GRM8: variants seen among roughly 807,000 people sequenced by gnomAD.
GRM8 encodes glutamate metabotropic receptor 8, also known as metabotropic glutamate receptor 8.
A neutral mutation model predicts 87.2 loss-of-function variants in GRM8; 47 were observed. The observed-to-expected ratio is 0.54, with a 90% CI of 0.43 to 0.69. The LOEUF (loss-of-function observed/expected upper bound fraction) is 0.69. Among genes scored for constraint, GRM8 ranks in the 30% least tolerant of loss-of-function variants. The pLI is 0.00. For missense variants in GRM8, 1,019 were observed against 1,139.2 expected (o/e 0.89, Z 1.52); for synonymous variants, 396 against 404.5 (o/e 0.98, Z 0.25).
At chr7:127,052,337 A>G (rs914092175) in intron 3 of GRM8, among the ~76,000 whole-genome samples, 10 of 152,110 alleles carry the variant, frequency 6.6e-5, no homozygotes, top group Admixed American at 2.6e-4. Context: ...TATCCCCTCT[A>G]TGCATAGGCA....
chr7:126,653,355 A>C (rs983567283), intron 7 of GRM8, among the ~76,000 whole-genome samples: 2 of 151,766 alleles, frequency 1.3e-5, no homozygotes, highest in African/African-American at 2.4e-5. Flanking sequence ...CAGGCAATTC[A>C]ATATTCAATT....
intron 6 of GRM8, among the ~76,000 whole-genome samples, chr7:126,831,430 G>A (rs1031745771): frequency 3.3e-5 from 5 of 152,138 alleles, no homozygotes; most frequent in South Asian, 2.1e-4. Flanking sequence ...CCCCAGCCTC[G>A]CCACCTTGCA....
chr7:127,069,499 C>T (rs1821472454), intron 3 of GRM8, among the ~76,000 whole-genome samples: 1 of 151,964 alleles, frequency 6.6e-6, no homozygotes. Flanking sequence ...AAAAAGAAAT[C>T]ACCCCTTTGT....
intron 8 of GRM8, among the ~76,000 whole-genome samples, chr7:126,534,660 A>T (rs1260091797): frequency 1.3e-5 from 2 of 152,214 alleles, no homozygotes; most frequent in Non-Finnish European, 2.9e-5. Context: ...TTCAGGTTAA[A>T]TCATAGAATA....
intron 3 of GRM8, among the ~76,000 whole-genome samples, chr7:126,935,389 G>GGTGGCAGAGATACC (rs1806208639): frequency 1.3e-5 from 2 of 152,194 alleles, no homozygotes; most frequent in Admixed American, 6.5e-5. Flanking sequence ...TAACAGCAAA[G>GGTGGCAGAGATACC]GTGGCAGAGA....
intron 3 of GRM8, among the ~76,000 whole-genome samples, chr7:126,964,859 CAT>C (rs1036924197): frequency 6.6e-6 from 1 of 152,174 alleles, no homozygotes; most frequent in African/African-American, 2.4e-5. Flanking sequence ...CACATGCACA[CAT>C]GTGTTTAATG....
intron 2 of GRM8, among the ~76,000 whole-genome samples, chr7:127,136,905 C>A (rs2299538): frequency 0.16 from 24,187 of 151,658 alleles, 2,241 homozygotes; most frequent in Non-Finnish European, 0.21. Context: ...CAGATATAGG[C>A]AATTTCTAAA....
intron 7 of GRM8, among the ~76,000 whole-genome samples, chr7:126,756,201 C>T (rs1816990149): frequency 6.6e-6 from 1 of 151,662 alleles, no homozygotes; most frequent in Non-Finnish European, 1.5e-5. Context: ...ACTGGACAAC[C>T]CCATGCAAAA....
chr7:126,835,819 G>A (rs1260877595), intron 6 of GRM8, among the ~76,000 whole-genome samples: 1 of 152,158 alleles, frequency 6.6e-6, no homozygotes, highest in African/African-American at 2.4e-5. Flanking sequence ...AGTGTAGGTT[G>A]TTTTCAAGCA....
chr7:126,519,862 G>C (rs917628023), intron 9 of GRM8, among the ~76,000 whole-genome samples: 1 of 152,060 alleles, frequency 6.6e-6, no homozygotes, highest in African/African-American at 2.4e-5. Flanking sequence ...TTTGACCTTG[G>C]AAGTGAGAAG....
chr7:126,834,065 T>C lies in GRM8; in HGVS notation c.1157-64000A>G, dbSNP rs186842894. Among the ~76,000 whole-genome samples the C allele has an allele frequency of 6.2e-4, 94 of 152,220 alleles. 1 individual carries two copies. Among genetic ancestry groups the C allele is most frequent in the African/African-American group, 2.0e-3 (83 of 41,540 alleles). The stretch of plus-strand genomic sequence containing the variant: ...AGAAGTGTATTCAGAGATCAGACTG[T>C]CCTACGGATGGTAAAAGCCAGAACC... On this transcript the variant is annotated intron_variant, in intron 6 of 10. Coordinates refer to ENST00000339582, the MANE Select transcript of GRM8 (RefSeq NM_000845.3).
chr7:126,453,813 T>G (rs540136844), intron 9 of GRM8, among the ~76,000 whole-genome samples: 1 of 151,806 alleles, frequency 6.6e-6, no homozygotes, highest in African/African-American at 2.4e-5. Flanking sequence ...ATGAGAATTA[T>G]TTACAGAAAT....
At chr7:126,577,041 T>TC (rs1795180405) in intron 8 of GRM8, among the ~76,000 whole-genome samples, 1 of 152,204 alleles carries the variant, frequency 6.6e-6, no homozygotes, top group African/African-American at 2.4e-5. Flanking sequence ...AGCTGTCCTG[T>TC]TTCAGTGGGA....
chr7:127,095,908 C>T (rs1262696431), intron 3 of GRM8: 1 of 152,214 alleles, frequency 6.6e-6, no homozygotes, highest in Non-Finnish European at 1.5e-5. Flanking sequence ...AAGCCCAGCA[C>T]AAGTATCACC....
At chr7:127,245,621 T>G (rs1366747841) in intron 1 of GRM8, among the ~76,000 whole-genome samples, 1 of 152,264 alleles carries the variant, frequency 6.6e-6, no homozygotes, top group African/African-American at 2.4e-5. Flanking sequence ...TTACTCTCTT[T>G]GGCATCTCAT....
At chr7:126,905,516 G>C (rs1802588931) in intron 3 of GRM8, among the ~76,000 whole-genome samples, 1 of 152,112 alleles carries the variant, frequency 6.6e-6, no homozygotes, top group Non-Finnish European at 1.5e-5. Context: ...CTGCATTATG[G>C]TATAAACAGT....
At chr7:127,063,099 A>G (rs180979796) in intron 3 of GRM8, among the ~76,000 whole-genome samples, 1 of 152,182 alleles carries the variant, frequency 6.6e-6, no homozygotes, top group Admixed American at 6.5e-5. Flanking sequence ...AAAACATACA[A>G]AAAATTAGCC....
chr7:126,878,519 CTTTTTT>C (rs35669727), intron 6 of GRM8, among the ~76,000 whole-genome samples: 1 of 131,060 alleles, frequency 7.6e-6, no homozygotes, highest in African/African-American at 2.9e-5. Flanking sequence ...TCGTCTTCTT[CTTTTTT>C]TTTTTTTTTT....
chr7:127,133,221 C>A (rs1261452403), intron 2 of GRM8, among the ~76,000 whole-genome samples: 1 of 152,024 alleles, frequency 6.6e-6, no homozygotes, highest in East Asian at 1.9e-4. Flanking sequence ...AGTTTGAGAC[C>A]AGTCTGACCA....
Sources: gnomAD v4.1 joint callset for allele counts (sites outside exome capture counted in the v4.1 genomes callset) on GRCh38, gnomAD v4.1.1 for gene constraint, MANE v1.5 for transcripts, NCBI Gene and HGNC (gene_info 2026-07-23, HGNC 2026-07-21) for gene names.